DACH1: variants seen among roughly 807,000 people sequenced by gnomAD.
The protein encoded by DACH1 is dachshund family transcription factor 1.
In DACH1, 12 loss-of-function variants were observed where a neutral mutation model predicts 54.2. That is an observed-to-expected ratio of 0.22 (90% CI 0.14 to 0.36). The LOEUF (loss-of-function observed/expected upper bound fraction) is 0.36. DACH1 is among the 10% of genes least tolerant of loss of function. The pLI is 1.00. For synonymous variants in DACH1, 386 were observed against 366.2 expected (o/e 1.05, Z -0.62); for missense variants, 805 against 929.8 (o/e 0.87, Z 1.75).
intron 1 of DACH1, among the ~76,000 whole-genome samples, chr13:71,731,524 C>T (rs547562868): frequency 6.6e-6 from 1 of 152,062 alleles, no homozygotes; most frequent in African/African-American, 2.4e-5. Flanking sequence ...ACCTCGTGCT[C>T]GACCCGCCTC....
intron 1 of DACH1, among the ~76,000 whole-genome samples, chr13:71,813,975 G>A (rs1057367591): frequency 6.6e-6 from 1 of 152,142 alleles, no homozygotes; most frequent in African/African-American, 2.4e-5. Context: ...TCTCCACAGT[G>A]ATGTTGTAGT....
intron 10 of DACH1, among the ~76,000 whole-genome samples, chr13:71,466,574 G>A (rs185986119): frequency 1.3e-3 from 205 of 152,118 alleles, no homozygotes; most frequent in African/African-American, 4.5e-3. Flanking sequence ...AGGGTGCGGC[G>A]GCTCACGCCT....
rs181928086 is a variant in DACH1 at position 71,618,860 on chromosome 13, A to T, written c.1126+11696T>A. On this transcript the variant is annotated intron_variant, in intron 3 of 10. Coordinates refer to ENST00000613252, the MANE Select transcript of DACH1 (RefSeq NM_080759.6). The stretch of plus-strand genomic sequence containing the variant: ...AGTATTCTAGGGACAATGGCAGAGG[A>T]TCAATTATGTGTCTAAATTTACAAA... Among the ~76,000 whole-genome samples the T allele has an allele frequency of 9.2e-5, 14 of 152,006 alleles. No homozygotes were observed. The East Asian group carries it at 2.7e-3, about 29-fold the overall frequency.
intron 2 of DACH1, among the ~76,000 whole-genome samples, chr13:71,669,555 A>T (rs923448060): frequency 1.3e-5 from 2 of 152,154 alleles, no homozygotes; most frequent in African/African-American, 2.4e-5. Flanking sequence ...AATCATCCCA[A>T]AACCATACTT....
chr13:71,806,590 T>C (rs1887515160), intron 1 of DACH1, among the ~76,000 whole-genome samples: 1 of 152,240 alleles, frequency 6.6e-6, no homozygotes, highest in Non-Finnish European at 1.5e-5. Flanking sequence ...ACCTGTTACA[T>C]ATCAGTACTT....
intron 6 of DACH1, among the ~76,000 whole-genome samples, chr13:71,493,093 T>G (rs1879126083): frequency 1.3e-5 from 2 of 151,970 alleles, no homozygotes; most frequent in African/African-American, 4.8e-5. Context: ...TGTGATGATT[T>G]CTTATCCTGT....
At position 71,440,249 on chromosome 13, in the gene DACH1, G is replaced by A. The variant is rs1873896554; in HGVS notation, c.*406C>T. On this transcript the variant is annotated 3_prime_UTR_variant, in exon 11 of 11. Coordinates refer to ENST00000613252, the MANE Select transcript of DACH1 (RefSeq NM_080759.6). ...GTTTCTGGAGGACATAATTCTGTAA[G>A]TCTGGGTAACCACTGCTACAAGAGT... 6.4e-6 allele frequency: 1 copy of A among 155,212 alleles called. No homozygotes were observed. The highest frequency in any genetic ancestry group is 2.4e-5 in the African/African-American group (1 of 41,366). The allele number at this position is 155,212 out of a possible 1,614,324, so 9.6% of individuals were successfully genotyped here.
intron 1 of DACH1, among the ~76,000 whole-genome samples, chr13:71,752,875 C>T (rs746709913): frequency 3.9e-5 from 6 of 152,036 alleles, no homozygotes; most frequent in African/African-American, 7.2e-5. Flanking sequence ...TTCTCACCAC[C>T]GTCAGATAAA....
chr13:71,494,708 C>T (rs890808095), intron 6 of DACH1, among the ~76,000 whole-genome samples: 10 of 151,838 alleles, frequency 6.6e-5, no homozygotes, highest in African/African-American at 2.4e-4. Context: ...AGAAAAACTA[C>T]TTATTAACAT....
chr13:71,502,381 C>T (rs1593797399), intron 6 of DACH1, among the ~76,000 whole-genome samples: 1 of 152,092 alleles, frequency 6.6e-6, no homozygotes, highest in African/African-American at 2.4e-5. Flanking sequence ...CATTTAATAT[C>T]AAGTTTAACT....
At chr13:71,446,398 G>T (rs1330682078) in intron 10 of DACH1, among the ~76,000 whole-genome samples, 1 of 152,186 alleles carries the variant, frequency 6.6e-6, no homozygotes, top group Non-Finnish European at 1.5e-5. Flanking sequence ...TGGCAATAAT[G>T]ATTCGTATCA....
chr13:71,699,659 G>A (rs1882013525), intron 1 of DACH1, among the ~76,000 whole-genome samples: 2 of 152,136 alleles, frequency 1.3e-5, no homozygotes, highest in Non-Finnish European at 2.9e-5. Flanking sequence ...GAATCTTGCT[G>A]GACAAGATGT....
At chr13:71,795,134 T>C (rs1179270170) in intron 1 of DACH1, among the ~76,000 whole-genome samples, 4 of 152,186 alleles carry the variant, frequency 2.6e-5, no homozygotes, top group African/African-American at 4.8e-5. Flanking sequence ...GAAGCTCATA[T>C]CTAGATTTGC....
At chr13:71,745,628 G>A (rs571407646) in intron 1 of DACH1, among the ~76,000 whole-genome samples, 29 of 152,300 alleles carry the variant, frequency 1.9e-4, no homozygotes, top group African/African-American at 7.0e-4. Context: ...TGGAGAAACA[G>A]TCACCAAACA....
intron 3 of DACH1, among the ~76,000 whole-genome samples, chr13:71,619,543 G>T (rs1474652238): frequency 6.6e-6 from 1 of 151,828 alleles, no homozygotes; most frequent in African/African-American, 2.4e-5. Flanking sequence ...CAACATTTAG[G>T]TTCAACAGCA....
chr13:71,502,223 G>T (rs139616973), intron 6 of DACH1, among the ~76,000 whole-genome samples: 1 of 151,992 alleles, frequency 6.6e-6, no homozygotes, highest in East Asian at 1.9e-4. Context: ...ACATCAACCA[G>T]CCTAGATTCC....
chr13:71,675,441 G>C, intron 2 of DACH1: 1 of 1,432,354 alleles, frequency 7.0e-7, no homozygotes, highest in Admixed American at 1.8e-5. Flanking sequence ...AAGACATCCA[G>C]CTAGCACGCC....
intron 2 of DACH1, among the ~76,000 whole-genome samples, chr13:71,631,924 C>G (rs1877133007): frequency 6.6e-6 from 1 of 151,988 alleles, no homozygotes; most frequent in African/African-American, 2.4e-5. Context: ...CAGGATAAAA[C>G]CCCCTCTCTA....
At chr13:71,855,914 T>C (rs1391302909) in intron 1 of DACH1, among the ~76,000 whole-genome samples, 1 of 151,942 alleles carries the variant, frequency 6.6e-6, no homozygotes, top group Non-Finnish European at 1.5e-5. Context: ...AAATAGTTGT[T>C]TTTATATCTA....
Sources: allele counts gnomAD v4.1 joint callset (sites outside exome capture counted in the v4.1 genomes callset), GRCh38; gene constraint gnomAD v4.1.1; transcripts MANE v1.5; gene names NCBI Gene and HGNC (gene_info 2026-07-23, HGNC 2026-07-21).